Variants in GTSE1 observed in about 807,000 individuals in gnomAD.
The protein encoded by GTSE1 is G2 and S-phase expressed 1, also known as G2 and S phase-expressed protein 1.
Under a neutral mutation model 60.5 loss-of-function variants are expected in GTSE1, and 52 were observed. That is an observed-to-expected ratio of 0.86 (90% confidence interval 0.69 to 1.08). The LOEUF (loss-of-function observed/expected upper bound fraction) is 1.08, where lower values mean the gene tolerates loss of function less well. Among genes scored for constraint, GTSE1 ranks in the 50% least tolerant of loss-of-function variants. The pLI is 0.00. For missense variants in GTSE1, 937 were observed against 961.8 expected (o/e 0.97, Z 0.34); for synonymous variants, 368 against 386.5 (o/e 0.95, Z 0.56).
In GTSE1 at chr22:46,308,960, A is replaced by T. The variant is rs963660849; in HGVS notation, c.762+17A>T. On this transcript the variant is annotated intron_variant, in intron 4 of 11. Coordinates refer to ENST00000454366, the MANE Select transcript of GTSE1 (RefSeq NM_016426.7). ...GCGGAGAAGGTAAATGCCACAGCAG[A>T]GCGCCTGCCTGGGGAGCCCCCACTC... The T allele has an allele frequency of 1.1e-5, 18 of 1,591,570 alleles. No individual in the cohort carries two copies. Among genetic ancestry groups the T allele is most frequent in the Middle Eastern group, 3.4e-4 (2 of 5,836 alleles).
At chr22:46,306,374 G>A (rs1298528370) in intron 2 of GTSE1, among the ~76,000 whole-genome samples, 1 of 151,184 alleles carries the variant, frequency 6.6e-6, no homozygotes, top group African/African-American at 2.4e-5. Context: ...GTAGAGACAG[G>A]GTTTCACCAT....
At chr22:46,307,511 C>CTT (rs60566111) in intron 2 of GTSE1, among the ~76,000 whole-genome samples, 8,621 of 148,838 alleles carry the variant, frequency 0.058, 843 homozygotes, top group African/African-American at 0.2. Flanking sequence ...GATGTAATTT[C>CTT]TTTTTTTTTT....
chr22:46,316,140 C>T lies in GTSE1; in HGVS notation c.1160C>T (p.Ala387Val), dbSNP rs1236596971. ...GCCATGCTGCGGCCAGCTCTGCCTG[C>T]AGGCCCTGTGGGGGCATCCTCCTGG... ...GPAMLRPALPAGPVGASSWQA... is the reference protein window; with the variant it reads ...GPAMLRPALPVGPVGASSWQA... The change falls in exon 7 of 12, where the codon GCA (alanine) becomes GTA (valine). Residue 387 changes from alanine to valine, a missense_variant. Coordinates refer to ENST00000454366, the MANE Select transcript of GTSE1 (RefSeq NM_016426.7). This position sits in a 1 kb window ranked among gnomAD's most constrained non-coding sequence, Gnocchi z 5.0. 1.2e-6 allele frequency: 2 copies of T among 1,609,398 alleles called. No homozygotes were observed. The highest frequency in any genetic ancestry group is 2.2e-5 in the East Asian group (1 of 44,772).
Position 46,313,567 on chromosome 22 carries a change from G to A in GTSE1, c.928-323G>A, listed in dbSNP as rs1002616098. ...TCTGTCGCCCAGGCTGGAGTGCAAT[G>A]GCACGAGCTCAGCTCACTACAACCT... is the stretch of plus-strand genomic sequence containing the variant. On this transcript the variant is annotated intron_variant, in intron 5 of 11. Transcript: ENST00000454366. This position sits in a 1 kb window ranked among gnomAD's most constrained non-coding sequence, Gnocchi z 4.4. 2.0e-5 allele frequency among the ~76,000 whole-genome samples: 3 copies of A among 152,222 alleles called. No individual in the cohort carries two copies. Among genetic ancestry groups the A allele is most frequent in the Admixed American group, 2.0e-4 (3 of 15,280 alleles).
At chr22:46,303,167 T>C (rs1192824383) in intron 2 of GTSE1, among the ~76,000 whole-genome samples, 2 of 152,218 alleles carry the variant, frequency 1.3e-5, no homozygotes, top group Non-Finnish European at 2.9e-5. Flanking sequence ...CCCAAAGTGC[T>C]GGGATTACAG....
In GTSE1 at chr22:46,308,619, C is replaced by T. The variant is rs756952008; in HGVS notation, c.438C>T (p.Asn146=). The T allele has an allele frequency of 2.1e-5, 34 of 1,613,916 alleles. No homozygotes were observed. In the African/African-American group the frequency reaches 2.8e-4, roughly 13 times the overall value. The change falls in exon 4 of 12, where the codon AAC becomes AAT. Residue 146 remains asparagine, a synonymous_variant. Transcript: ENST00000454366. ...TACAGGAGTCAAAATTAAAAATAAACCTCTTTGAGAAAGAAAAGGAAATGA... is the reference window on the plus strand; with the variant it reads ...TACAGGAGTCAAAATTAAAAATAAATCTCTTTGAGAAAGAAAAGGAAATGA... ...RFIQESKLKI[N]LFEKEKEMKK... is the part of the protein sequence containing the mutation.
rs1222953950 is a variant in GTSE1, at chr22:46,323,179, C to G, written c.1433-11C>G. 6.2e-7 allele frequency: 1 copy of G among 1,606,550 alleles called. No homozygotes were observed. The highest frequency in any genetic ancestry group is 2.2e-5 in the East Asian group (1 of 44,866). ...CTTTACCTGACCGCACACTTCCTTT[C>G]TTGGACTTAGGTGACTCCCCGGACA... On this transcript the variant is annotated splice_polypyrimidine_tract_variant and intron_variant, in intron 7 of 11. Transcript: ENST00000454366.
rs1469155574 is a variant in GTSE1 at position 46,317,468 on chromosome 22, C to T, written c.1432+1056C>T. Among the ~76,000 whole-genome samples the T allele has an allele frequency of 6.6e-6, 1 of 152,232 alleles. No homozygotes were observed. Among genetic ancestry groups the T allele is most frequent in the Non-Finnish European group, 1.5e-5 (1 of 68,048 alleles). On this transcript the variant is annotated intron_variant, in intron 7 of 11. Transcript: ENST00000454366. The surrounding 1 kb of genome is among the most constrained non-coding windows in gnomAD (Gnocchi z 5.6). ...AATGGTTTTAGGGTCTACGATTCTT[C>T]TCATACCATCTTCCCCATCATTTTG...
intron 8 of GTSE1, among the ~76,000 whole-genome samples, chr22:46,325,130 G>A (rs528247244): frequency 5.4e-4 from 82 of 152,172 alleles, no homozygotes; most frequent in Admixed American, 9.2e-4. Context: ...CCTGTTTCCC[G>A]ATTCACAGCT....
Position 46,329,275 on chromosome 22 carries a change from GAACATGAGCAAAGCTC to G in GTSE1, c.1927-81_1927-66del. The G allele has an allele frequency of 8.5e-7, 1 of 1,179,306 alleles. No homozygotes were observed. The highest frequency in any genetic ancestry group is 1.5e-5 in the African/African-American group (1 of 66,506). 73.1% of individuals were successfully genotyped at this position (1,179,306 alleles called of 1,614,324 possible). ...GCTTTCCAAACCGCCAGCCCACCTG[GAACATGAGCAAAGCTC>G]ACATTCTCCCAAGATGGTTGCCAGA... On this transcript the variant is annotated intron_variant, in intron 10 of 11. Transcript: ENST00000454366. This position sits in a 1 kb window ranked among gnomAD's most constrained non-coding sequence, Gnocchi z 6.4.
rs140963067 is a variant in GTSE1, at chr22:46,312,180, A to C, written c.802A>C (p.Ile268Leu). 8.6e-5 allele frequency: 138 copies of C among 1,613,778 alleles called. No homozygotes were observed. In the Middle Eastern group the frequency reaches 1.3e-3, roughly 15 times the overall value. ...EIPASPSRTK[I>L]PAEKESHRDV... ...TCCAGCTAGTCCTTCCAGGACAAAA[A>C]TCCCAGCTGAGAAGGAATCCCACCG... Residue 268 changes from isoleucine (I) to leucine (L), a missense_variant, in exon 5 of 12, where the codon ATC (isoleucine) becomes CTC (leucine). By Grantham distance (5) the Ile-to-Leu change is conservative (BLOSUM62 2). Transcript: ENST00000454366.
At chr22:46,305,337 C>T (rs1436435294) in intron 2 of GTSE1, among the ~76,000 whole-genome samples, 5 of 152,148 alleles carry the variant, frequency 3.3e-5, no homozygotes, top group East Asian at 1.9e-4. Context: ...AGACTGGATG[C>T]GGTGGCTCAC....
chr22:46,329,739 C>A lies in GTSE1; in HGVS notation c.2136+172C>A, dbSNP rs548357801. 2.2e-4 allele frequency among the ~76,000 whole-genome samples: 34 copies of A among 152,320 alleles called. No individual in the cohort carries two copies. The highest frequency in any genetic ancestry group is 1.9e-4 in the Non-Finnish European group (13 of 68,022). ...GCAGCCTGAGCTTCTCAAAGATCAGCTGCCTCTGAGGTGCCCTGCCAGGAC... is the reference window on the plus strand; with the variant it reads ...GCAGCCTGAGCTTCTCAAAGATCAGATGCCTCTGAGGTGCCCTGCCAGGAC... On this transcript the variant is annotated intron_variant, in intron 11 of 11. Transcript: ENST00000454366. The surrounding 1 kb of genome is among the most constrained non-coding windows in gnomAD (Gnocchi z 6.4).
chr22:46,303,238 T>C (rs1198136377), intron 2 of GTSE1, among the ~76,000 whole-genome samples: 2 of 152,198 alleles, frequency 1.3e-5, no homozygotes, highest in African/African-American at 4.8e-5. Context: ...TTTTATGATA[T>C]GCCAAGTCTT....
intron 6 of GTSE1, among the ~76,000 whole-genome samples, chr22:46,315,711 A>G (rs1199064657): frequency 1.3e-5 from 2 of 152,204 alleles, no homozygotes; most frequent in African/African-American, 2.4e-5. Context: ...ACATGTGACT[A>G]GACTATCCCC....
intron 8 of GTSE1, among the ~76,000 whole-genome samples, chr22:46,326,142 A>C (rs1054593057): frequency 6.6e-6 from 1 of 152,272 alleles, no homozygotes; most frequent in Non-Finnish European, 1.5e-5. Context: ...TAATGGTAGC[A>C]TCCGTAAAGT....
Position 46,329,538 on chromosome 22 carries a change from G to T in GTSE1, c.2107G>T (p.Val703Leu), listed in dbSNP as rs1270916150. The change falls in exon 11 of 12, where the codon GTG becomes TTG. Residue 703 changes from valine (V) to leucine (L), a missense_variant. Transcript: ENST00000454366. The surrounding 1 kb of genome is among the most constrained non-coding windows in gnomAD (Gnocchi z 6.4). ...AAACACTCCAGACATGAATAAAAATGTGGCCAAACCTTCACCGGTGGTGGG... is the reference window on the plus strand; with the variant it reads ...AAACACTCCAGACATGAATAAAAATTTGGCCAAACCTTCACCGGTGGTGGG... ...MTNTPDMNKN[V>L]AKPSPVVGQL... The T allele has an allele frequency of 6.2e-7, 1 of 1,614,170 alleles. No homozygotes were observed. Among genetic ancestry groups the T allele is most frequent in the South Asian group, 1.1e-5 (1 of 91,078 alleles).
At position 46,313,166 on chromosome 22, in the gene GTSE1, T is replaced by TAAA. The variant is rs778559566; in HGVS notation, c.928-706_928-704dup. ...CTGGGCAACAGAGTGAGACCCTGTC[T>TAAA]AAAAAAAAAAAAAAAAAAAAGGAAA... On this transcript the variant is annotated intron_variant, in intron 5 of 11. Transcript: ENST00000454366. The surrounding 1 kb of genome is among the most constrained non-coding windows in gnomAD (Gnocchi z 4.4). 2.4e-5 allele frequency among the ~76,000 whole-genome samples: 2 copies of TAAA among 82,192 alleles called. No homozygotes were observed. The highest frequency in any genetic ancestry group is 4.3e-5 in the African/African-American group (1 of 23,064). The allele number at this position is 82,192 out of a possible 152,430, so 53.9% of individuals were successfully genotyped here. A position where few individuals can be genotyped will look rare whatever the true frequency, so the allele number is the denominator to read the frequency against.
chr22:46,299,184 G>A (rs1224760207), intron 2 of GTSE1, among the ~76,000 whole-genome samples: 1 of 152,218 alleles, frequency 6.6e-6, no homozygotes, highest in Non-Finnish European at 1.5e-5. Flanking sequence ...TGCCTCTCTG[G>A]CTGGTGTATC....
Sources: allele counts gnomAD v4.1 joint callset (sites outside exome capture counted in the v4.1 genomes callset), GRCh38; gene constraint gnomAD v4.1.1; non-coding constraint Gnocchi (gnomAD v3.1); transcripts MANE v1.5; gene names NCBI Gene and HGNC (gene_info 2026-07-23, HGNC 2026-07-21).